The following ADSS2 variants were observed in gnomAD, a reference collection of about 807,000 sequenced individuals.
ADSS2 encodes adenylosuccinate synthase 2.
In ADSS2, 30 loss-of-function variants were observed where a neutral mutation model predicts 60.0. The ratio of observed to expected loss-of-function variants is 0.50; its 90% confidence interval spans 0.37 to 0.68. The LOEUF (loss-of-function observed/expected upper bound fraction) is 0.68, where lower values mean the gene tolerates loss of function less well. Among genes scored for constraint, ADSS2 ranks in the 30% least tolerant of loss-of-function variants. ADSS2 has a pLI of 0.00. For synonymous variants in ADSS2, 187 were observed against 193.1 expected (o/e 0.97, Z 0.26); for missense variants, 373 against 554.8 (o/e 0.67, Z 3.29).
At chr1:244,413,199 T>C (rs1664452931) in intron 11 of ADSS2, among the ~76,000 whole-genome samples, 1 of 152,202 alleles carries the variant, frequency 6.6e-6, no homozygotes, top group Non-Finnish European at 1.5e-5. Flanking sequence ...GACTATCCTC[T>C]CATGATGCAT....
In ADSS2 at chr1:244,432,660, CTTTTTTTTTTTTT is replaced by C. The variant is rs532312490; in HGVS notation, c.356-78_356-66del. ...TATAGCAGTTTTAAAATCTTAATTT[CTTTTTTTTTTTTT>C]TTTTTTTTGAGACAGAGTCTCGCTC... On this transcript the variant is annotated intron_variant, in intron 3 of 12. Transcript: ENST00000366535. 8.0e-4 allele frequency: 310 copies of C among 387,296 alleles called. 9 individuals carry two copies. In the Admixed American group the frequency reaches 0.013, roughly 16 times the overall value. The allele number at this position is 387,296 out of a possible 1,614,324, so 24.0% of individuals were successfully genotyped here. A position where few individuals can be genotyped will look rare whatever the true frequency, so the allele number is the denominator to read the frequency against.
intron 1 of ADSS2, among the ~76,000 whole-genome samples, chr1:244,449,845 G>A (rs1665487684): frequency 6.6e-6 from 1 of 152,098 alleles, no homozygotes; most frequent in Admixed American, 6.5e-5. Context: ...CACTTCTCTA[G>A]CCTTTCCAAG....
In ADSS2 at chr1:244,444,904, G is replaced by A. The variant is rs77682986; in HGVS notation, c.183+6731C>T. 2.0e-3 allele frequency among the ~76,000 whole-genome samples: 305 copies of A among 152,206 alleles called. 3 individuals carry two copies. In the East Asian group the frequency reaches 0.045, roughly 23 times the overall value. On this transcript the variant is annotated intron_variant, in intron 1 of 12. Coordinates refer to ENST00000366535, the MANE Select transcript of ADSS2 (RefSeq NM_001126.5). ...ATTTTCCTATACAAAATTAACTCCAGGTTAGTTATAGCTTTTGTATGCTCA... is the reference window on the plus strand; with the variant it reads ...ATTTTCCTATACAAAATTAACTCCAAGTTAGTTATAGCTTTTGTATGCTCA...
chr1:244,426,008 C>T (rs1203550585), intron 4 of ADSS2, among the ~76,000 whole-genome samples: 1 of 151,986 alleles, frequency 6.6e-6, no homozygotes, highest in Non-Finnish European at 1.5e-5. Context: ...TAAGGGGATA[C>T]TATATAGCAA....
At chr1:244,441,131 C>T (rs532610589) in intron 1 of ADSS2, among the ~76,000 whole-genome samples, 62 of 151,664 alleles carry the variant, frequency 4.1e-4, no homozygotes, top group Non-Finnish European at 5.3e-4. Context: ...CGATCTCGGC[C>T]CACTGCAAAC....
intron 4 of ADSS2, among the ~76,000 whole-genome samples, chr1:244,426,909 C>G (rs1664819593): frequency 6.6e-6 from 1 of 152,124 alleles, no homozygotes; most frequent in Admixed American, 6.6e-5. Context: ...TTTGTTTTCA[C>G]TAATACATGA....
At chr1:244,427,453 T>A (rs971434581) in intron 4 of ADSS2, among the ~76,000 whole-genome samples, 2 of 152,232 alleles carry the variant, frequency 1.3e-5, no homozygotes, top group African/African-American at 4.8e-5. Context: ...AGGGCAGACA[T>A]AAATCCAACC....
chr1:244,429,144 C>T (rs889977775), intron 4 of ADSS2, among the ~76,000 whole-genome samples: 5 of 152,154 alleles, frequency 3.3e-5, no homozygotes, highest in African/African-American at 9.7e-5. Flanking sequence ...CCTTTGTGGA[C>T]ACAACCTGTG....
intron 11 of ADSS2, among the ~76,000 whole-genome samples, chr1:244,411,804 T>A (rs529783045): frequency 3.2e-4 from 49 of 152,344 alleles, no homozygotes; most frequent in African/African-American, 1.0e-3. Context: ...TAGATCTGCA[T>A]GACAGCAACT....
At position 244,415,968 on chromosome 1, in the gene ADSS2, TA is replaced by T; in HGVS notation, c.1168+12del. 6.3e-7 allele frequency: 1 copy of T among 1,575,102 alleles called. No homozygotes were observed. The highest frequency in any genetic ancestry group is 8.7e-7 in the Non-Finnish European group (1 of 1,146,456). On this transcript the variant is annotated intron_variant, in intron 11 of 12. Transcript: ENST00000366535. ...CTTATAATATCCTTTAGATATTGCC[TA>T]AAAGAAAATACCTGGGATATGAGGT...
chr1:244,418,585 C>T (rs1048336185), intron 9 of ADSS2, among the ~76,000 whole-genome samples, 175 bp downstream of exon 9: 10 of 152,118 alleles, frequency 6.6e-5, no homozygotes, highest in African/African-American at 2.4e-4. Context: ...CCTCCCAAAG[C>T]ACTGGGATTA....
At chr1:244,445,357 A>G (rs2148015117) in intron 1 of ADSS2, among the ~76,000 whole-genome samples, 1 of 152,372 alleles carries the variant, frequency 6.6e-6, no homozygotes, top group Admixed American at 6.5e-5. Context: ...CTAGATATTA[A>G]TAACATTTTA....
chr1:244,446,290 T>C (rs144580722), intron 1 of ADSS2, among the ~76,000 whole-genome samples: 19 of 152,324 alleles, frequency 1.2e-4, no homozygotes, highest in Middle Eastern at 3.4e-3. Context: ...TAAATGATGA[T>C]TGTTCTTTCA....
chr1:244,438,502 C>G (rs1449540565), intron 1 of ADSS2, among the ~76,000 whole-genome samples: 1 of 152,078 alleles, frequency 6.6e-6, no homozygotes, highest in Non-Finnish European at 1.5e-5. Flanking sequence ...AAAGTAGGTA[C>G]AAAGGAGACT....
intron 4 of ADSS2, among the ~76,000 whole-genome samples, chr1:244,432,162 A>G (rs543042270): frequency 7.9e-5 from 12 of 152,362 alleles, no homozygotes; most frequent in African/African-American, 1.7e-4. Flanking sequence ...TTAAAAAGCA[A>G]TAACTACTAC....
intron 9 of ADSS2, among the ~76,000 whole-genome samples, chr1:244,418,188 G>A (rs1664582589): frequency 6.6e-6 from 1 of 152,048 alleles, no homozygotes; most frequent in Admixed American, 6.5e-5. Context: ...CTAAGCTAAG[G>A]TCACTCCCTA....
At position 244,437,784 on chromosome 1, in the gene ADSS2, G is replaced by A; in HGVS notation, c.184-16C>T. The A allele has an allele frequency of 2.0e-6, 3 of 1,533,626 alleles. No homozygotes were observed. The highest frequency in any genetic ancestry group is 2.7e-6 in the Non-Finnish European group (3 of 1,107,646). On this transcript the variant is annotated splice_polypyrimidine_tract_variant and intron_variant, in intron 1 of 12. Coordinates refer to ENST00000366535, the MANE Select transcript of ADSS2 (RefSeq NM_001126.5). Reference sequence around the variant, plus strand: ...TATTTCCTCCCTAAAATGTAAGATAGGGGAAAATTGAGCCTGATGATAAAT... The same window carrying A: ...TATTTCCTCCCTAAAATGTAAGATAAGGGAAAATTGAGCCTGATGATAAAT...
At chr1:244,417,798 T>C in intron 9 of ADSS2, 46 bp from the exon 10 acceptor site, 4 of 1,575,668 alleles carry the variant, frequency 2.5e-6, no homozygotes, top group South Asian at 1.1e-5. Context: ...AGCAGTGCTA[T>C]ATATCTGGTG....
intron 11 of ADSS2, among the ~76,000 whole-genome samples, chr1:244,414,726 G>A (rs1664491389): frequency 2.6e-5 from 4 of 152,204 alleles, no homozygotes; most frequent in Admixed American, 2.6e-4. Flanking sequence ...TGCTGCTGGT[G>A]GGGAGTACTG....
Sources: allele counts gnomAD v4.1 joint callset (sites outside exome capture counted in the v4.1 genomes callset), GRCh38; gene constraint gnomAD v4.1.1; transcripts MANE v1.5; gene names NCBI Gene and HGNC (gene_info 2026-07-23, HGNC 2026-07-21).